RGS6: variants seen among roughly 807,000 people sequenced by gnomAD.
The protein encoded by RGS6 is regulator of G-protein signaling 6.
In RGS6, 30 loss-of-function variants were observed where a neutral mutation model predicts 78.5. The observed-to-expected ratio is 0.38, with a 90% confidence interval of 0.29 to 0.52. RGS6 has a LOEUF of 0.52. RGS6 is among the 20% of genes least tolerant of loss of function. The pLI is 0.85. For missense variants in RGS6, 495 were observed against 609.7 expected, an observed-to-expected ratio of 0.81 and a Z score of 1.98; for synonymous variants, 206 against 206.0, an observed-to-expected ratio of 1.00 and a Z score of 0.00.
At chr14:72,465,524 A>G (rs530185360) in intron 6 of RGS6, among the ~76,000 whole-genome samples, 149 of 75,638 alleles carry the variant, frequency 2.0e-3, no homozygotes, top group Admixed American at 5.1e-3. Context: ...TGCTGGGCAC[A>G]TAGCAAGGGT....
At chr14:72,208,612 A>G (rs748993461) in intron 2 of RGS6, among the ~76,000 whole-genome samples, 35 of 152,170 alleles carry the variant, frequency 2.3e-4, no homozygotes, top group Non-Finnish European at 4.7e-4. Context: ...AGCTTCCAAC[A>G]TAGTGCTTGA....
intron 6 of RGS6, among the ~76,000 whole-genome samples, chr14:72,460,888 C>A (rs1281246087): frequency 6.6e-6 from 1 of 151,928 alleles, no homozygotes; most frequent in South Asian, 2.1e-4. Flanking sequence ...AGGAAACCAA[C>A]AACAGGGAGC....
At chr14:72,383,481 C>G (rs2086878142) in intron 3 of RGS6, among the ~76,000 whole-genome samples, 2 of 152,010 alleles carry the variant, frequency 1.3e-5, no homozygotes, top group South Asian at 4.2e-4. Flanking sequence ...CTCACCCACA[C>G]TGTCAAGATT....
the RGS6 span, among the ~76,000 whole-genome samples, chr14:71,925,769 TC>T: frequency 3.6e-5 from 5 of 140,474 alleles, no homozygotes; most frequent in African/African-American, 1.4e-4. Context: ...CCTCTTCTGT[TC>T]CATTGGCCTT....
intron 2 of RGS6, among the ~76,000 whole-genome samples, chr14:72,227,337 A>G (rs913275582): frequency 1.3e-5 from 2 of 152,138 alleles, no homozygotes; most frequent in African/African-American, 4.8e-5. Context: ...CTGGACTTGA[A>G]CTACTGGGCT....
At chr14:72,029,077 T>G (rs747588003) in intron 2 of RGS6, among the ~76,000 whole-genome samples, 1 of 152,216 alleles carries the variant, frequency 6.6e-6, no homozygotes, top group Non-Finnish European at 1.5e-5. Context: ...GATAACATAT[T>G]TTGAACGTGG....
At chr14:72,253,681 T>C (rs991018376) in intron 2 of RGS6, among the ~76,000 whole-genome samples, 1 of 152,188 alleles carries the variant, frequency 6.6e-6, no homozygotes, top group African/African-American at 2.4e-5. Context: ...TGGCACTTGC[T>C]TTGCCTAGTG....
At chr14:72,319,752 A>G (rs2071386184) in intron 2 of RGS6, among the ~76,000 whole-genome samples, 1 of 152,212 alleles carries the variant, frequency 6.6e-6, no homozygotes, top group South Asian at 2.1e-4. Context: ...AGGATTATCA[A>G]AGCAAACAAA....
intron 2 of RGS6, among the ~76,000 whole-genome samples, chr14:72,324,896 G>A (rs1284720549): frequency 3.3e-5 from 5 of 152,126 alleles, no homozygotes; most frequent in African/African-American, 1.2e-4. Context: ...GGGTCAAATG[G>A]TATTTCTAGT....
Position 72,151,051 on chromosome 14 carries a change from A to G in RGS6, c.84+186176A>G, listed in dbSNP as rs371111678. Among the ~76,000 whole-genome samples the G allele has an allele frequency of 1.4e-4, 21 of 152,326 alleles. 1 individual carries two copies. The highest frequency in any genetic ancestry group is 5.1e-4 in the African/African-American group (21 of 41,578). On this transcript the variant is annotated intron_variant, in intron 2 of 17. Coordinates refer to ENST00000553525, the MANE Select transcript of RGS6 (RefSeq NM_001204424.2). ...CCTGAGACAGGAGCTAAGGAGAGTG[A>G]GTGGTGGGCTCCACCAAAGTGCCTT...
intron 2 of RGS6, among the ~76,000 whole-genome samples, chr14:71,978,815 T>C (rs1026703115): frequency 1.3e-5 from 2 of 152,012 alleles, no homozygotes; most frequent in African/African-American, 4.8e-5. Flanking sequence ...TTCCTATTGA[T>C]TGGAATAGTT....
chr14:72,228,459 A>C (rs2048693965), intron 2 of RGS6, among the ~76,000 whole-genome samples: 1 of 152,214 alleles, frequency 6.6e-6, no homozygotes, highest in South Asian at 2.1e-4. Context: ...TCATCTTGTT[A>C]GTAGGGACCC....
intron 2 of RGS6, among the ~76,000 whole-genome samples, chr14:72,270,743 A>G (rs540579041): frequency 5.3e-5 from 8 of 152,330 alleles, no homozygotes; most frequent in African/African-American, 1.9e-4. Flanking sequence ...GAATTTTATA[A>G]TACATCAAAG....
At chr14:71,936,984 T>C (rs2089541651) in intron 1 of RGS6, among the ~76,000 whole-genome samples, 1 of 152,176 alleles carries the variant, frequency 6.6e-6, no homozygotes, top group South Asian at 2.1e-4. Flanking sequence ...TCTGGACCAT[T>C]TGTAGTCCCG....
At chr14:72,156,172 G>T (rs1038256384) in intron 2 of RGS6, among the ~76,000 whole-genome samples, 46 of 152,182 alleles carry the variant, frequency 3.0e-4, no homozygotes, top group African/African-American at 1.1e-3. Flanking sequence ...GGCTGGCTGG[G>T]CGCAGTGGCT....
At chr14:72,381,254 A>G (rs930143326) in intron 3 of RGS6, among the ~76,000 whole-genome samples, 1 of 152,062 alleles carries the variant, frequency 6.6e-6, no homozygotes, top group South Asian at 2.1e-4. Flanking sequence ...GAATAACTCT[A>G]ATTAACAATA....
intron 17 of RGS6, among the ~76,000 whole-genome samples, chr14:72,551,526 C>T (rs75574547): frequency 6.6e-6 from 1 of 152,300 alleles, no homozygotes; most frequent in African/African-American, 2.4e-5. Context: ...CAACTGCATT[C>T]CCATCCACTA....
At chr14:72,289,882 A>G (rs914278977) in intron 2 of RGS6, among the ~76,000 whole-genome samples, 1 of 152,154 alleles carries the variant, frequency 6.6e-6, no homozygotes, top group African/African-American at 2.4e-5. Flanking sequence ...TGTAAACATG[A>G]CCCTAATTAA....
At chr14:72,522,725 C>T (rs910382579) in intron 15 of RGS6, among the ~76,000 whole-genome samples, 3 of 152,028 alleles carry the variant, frequency 2.0e-5, no homozygotes, top group Non-Finnish European at 2.9e-5. Flanking sequence ...AACTGTTCTT[C>T]GCTCATGGGA....
Sources: allele counts gnomAD v4.1 joint callset (sites outside exome capture counted in the v4.1 genomes callset), GRCh38; gene constraint gnomAD v4.1.1; transcripts MANE v1.5; gene names NCBI Gene and HGNC (gene_info 2026-07-23, HGNC 2026-07-21).